Variants in MYH7B observed in about 807,000 individuals in gnomAD.
MYH7B encodes the protein myosin-7B.
A neutral mutation model predicts 234.5 loss-of-function variants in MYH7B; 205 were observed. That is an observed-to-expected ratio of 0.87 (90% CI 0.78 to 0.98). The LOEUF (loss-of-function observed/expected upper bound fraction) is 0.98, where lower values mean the gene tolerates loss of function less well. Ranked by LOEUF, MYH7B falls within the 50% of genes least tolerant of loss-of-function variation. The pLI, the probability that MYH7B is intolerant of heterozygous loss-of-function variation, is 0.00. For missense variants in MYH7B, 2,652 were observed against 2,633.4 expected, an observed-to-expected ratio of 1.01 and a Z score of -0.15; for synonymous variants, 1,193 against 1,105.0, an observed-to-expected ratio of 1.08 and a Z score of -1.58.
At chr20:34,980,673 C>T in exon 8 of MYH7B, 1 of 1,614,218 alleles carries the variant, frequency 6.2e-7, no homozygotes, top group Non-Finnish European at 8.5e-7. Context: ...GAAAGCGCCG[C>T]TCAGATTCCC....
intron 2 of MYH7B, among the ~76,000 whole-genome samples, chr20:34,958,504 T>G (rs1174181323): frequency 6.6e-6 from 1 of 152,128 alleles, no homozygotes; most frequent in Non-Finnish European, 1.5e-5. Flanking sequence ...CTCACTCTGT[T>G]GCCCAGGCTG....
chr20:34,979,613 G>A (rs557205231), intron 6 of MYH7B, 48 bp from the exon 7 acceptor site: 4 of 1,611,736 alleles, frequency 2.5e-6, no homozygotes, highest in South Asian at 2.2e-5. Flanking sequence ...AGGTGAGGTC[G>A]GTCGGTTCCT....
chr20:34,957,484 C>T (rs201227987), intron 1 of MYH7B, among the ~76,000 whole-genome samples: 10 of 104,328 alleles, frequency 9.6e-5, no homozygotes, highest in African/African-American at 1.1e-4. Context: ...CCTTTTGACT[C>T]TTTTTTTTTT....
chr20:35,001,413 T>A lies in MYH7B; in HGVS notation c.5581-18T>A, dbSNP rs2082378712. 6.3e-7 allele frequency: 1 copy of A among 1,594,530 alleles called. No homozygotes were observed. The highest frequency in any genetic ancestry group is 1.3e-5 in the African/African-American group (1 of 74,600). On this transcript the variant is annotated intron_variant, in intron 42 of 44. Transcript: ENST00000262873. ...TGGCCCAGCCCAAGCAAGCCCTGAG[T>A]CCCCCTTGCCCGCCCAGGCCGAGGA... is the stretch of plus-strand genomic sequence containing the variant.
At chr20:34,998,671 C>G in intron 34 of MYH7B, 42 bp downstream of exon 34, 1 of 1,612,374 alleles carries the variant, frequency 6.2e-7, no homozygotes. Context: ...AGGTGGGCAC[C>G]AGAGCCACTG....
chr20:34,999,624 G>A, exon 37 of MYH7B: 2 of 1,613,736 alleles, frequency 1.2e-6, no homozygotes, highest in Non-Finnish European at 1.7e-6. Flanking sequence ...GAGCATCCAG[G>A]AACTGGAGAA....
chr20:34,979,790 C>G (rs764936590), exon 7 of MYH7B: 8 of 1,613,776 alleles, frequency 5.0e-6, no homozygotes, highest in South Asian at 1.1e-5. Flanking sequence ...GCGCTATGCC[C>G]GCTGGATGAT....
intron 24 of MYH7B, 116 bp from the exon 25 acceptor site, chr20:34,992,986 C>G: frequency 7.5e-7 from 1 of 1,341,854 alleles, no homozygotes; most frequent in Non-Finnish European, 1.0e-6. Context: ...CGGAGAGGCC[C>G]AGGAACGAGT....
rs2082317889 is a variant in MYH7B, at chr20:34,999,105, G to A, written c.4240G>A (p.Ala1414Thr). The change falls in exon 36 of 45, where the codon GCC (alanine) becomes ACC (threonine). Residue 1414 changes from alanine (A) to threonine (T), a missense_variant. Ala to Thr is a moderately conservative substitution (Grantham distance 58). This residue lies in a region of MYH7B where 2,279 missense variants were observed against 2,211.4 expected (regional missense o/e 1.03). Coordinates refer to ENST00000262873, the Ensembl canonical transcript of MYH7B. Reference sequence around the variant, plus strand: ...GGAGGCAGAGGAGGGCGTGGAGGCTGCCAACGCCAAGTGCTCATCGTTGGA... The same window carrying A: ...GGAGGCAGAGGAGGGCGTGGAGGCTACCAACGCCAAGTGCTCATCGTTGGA... The A allele has an allele frequency of 7.4e-6, 12 of 1,613,322 alleles. No homozygotes were observed. Among genetic ancestry groups the A allele is most frequent in the Non-Finnish European group, 1.0e-5 (12 of 1,179,950 alleles).
chr20:34,992,998 C>G, intron 24 of MYH7B, 104 bp from the exon 25 acceptor site: 2 of 1,422,686 alleles, frequency 1.4e-6, no homozygotes, highest in Non-Finnish European at 1.9e-6. Flanking sequence ...GGAACGAGTC[C>G]CCTGCTACCC....
At chr20:34,985,238 C>T (rs2147189123) in intron 13 of MYH7B, 109 bp downstream of exon 13, 4 of 1,028,748 alleles carry the variant, frequency 3.9e-6, no homozygotes, top group Middle Eastern at 2.5e-4. Context: ...CTGGGCACTT[C>T]TCTCTACCCC....
chr20:34,994,239 G>A (rs576898666), exon 27 of MYH7B: 1 of 1,613,182 alleles, frequency 6.2e-7, no homozygotes, highest in South Asian at 1.1e-5. Context: ...TGAAGCCGCT[G>A]CTGCGCTCGG....
chr20:34,977,228 G>C (rs1202955630), intron 3 of MYH7B, among the ~76,000 whole-genome samples: 2 of 152,052 alleles, frequency 1.3e-5, no homozygotes, highest in African/African-American at 4.8e-5. Context: ...CTGGGCCTCA[G>C]TTTCCCTGGA....
At chr20:34,998,895 C>T (rs190908811) in exon 35 of MYH7B, 81 of 1,612,642 alleles carry the variant, frequency 5.0e-5, no homozygotes, top group Middle Eastern at 1.7e-4. Flanking sequence ...TCCAGAGGAC[C>T]GAGGAGCTGG....
intron 2 of MYH7B, among the ~76,000 whole-genome samples, chr20:34,959,573 G>A (rs1363009133): frequency 2.0e-5 from 3 of 151,546 alleles, no homozygotes; most frequent in African/African-American, 7.3e-5. Context: ...TGCCTCCCGG[G>A]TTCAGGCAAT....
Position 34,994,323 on chromosome 20 carries a change from G to C in MYH7B, c.2622G>C (p.Glu874Asp), listed in dbSNP as rs2082211692. 9 of 1,609,588 alleles carry C rather than the reference G, an allele frequency of 5.6e-6. No homozygotes were observed. In the South Asian group the frequency reaches 9.9e-5, roughly 18 times the overall value. Residue 874 changes from glutamate (E) to aspartate (D), a missense_variant, in exon 27 of 45, where the codon GAG (glutamate) becomes GAC (aspartate). Around this residue, in one of 3 missense-constraint regions of MYH7B, gnomAD observed 2,279 missense variants for 2,211.4 expected, o/e 1.03. Coordinates refer to ENST00000262873, the Ensembl canonical transcript of MYH7B. ...TGCGAGGGGCGCTGGCTGCGGCCGA[G>C]GCCAAGCGCCAGGAACTGGAGGAGA...
intron 2 of MYH7B, among the ~76,000 whole-genome samples, chr20:34,970,020 T>C (rs2081778492): frequency 6.6e-6 from 1 of 152,146 alleles, no homozygotes; most frequent in African/African-American, 2.4e-5. Flanking sequence ...ATTAAGAGGT[T>C]TAGTCATTCT....
intron 14 of MYH7B, 21 bp downstream of exon 14, chr20:34,986,219 G>C (rs2425008): frequency 0.62 from 962,993 of 1,563,100 alleles, 299,947 homozygotes; most frequent in Admixed American, 0.79. Context: ...GTACGATGAA[G>C]GGGGTGGGAG....
At chr20:34,990,626 A>C (rs141383026) in intron 22 of MYH7B, 112 bp from the exon 23 acceptor site, 15 of 974,254 alleles carry the variant, frequency 1.5e-5, no homozygotes, top group Non-Finnish European at 2.1e-5. Flanking sequence ...GTGAAAGAGC[A>C]AAAGTGCAGG....
Sources: gnomAD v4.1 joint callset for allele counts (sites outside exome capture counted in the v4.1 genomes callset) on GRCh38, gnomAD v4.1.1 for gene constraint, gnomAD v4.1.1 regional missense constraint, MANE v1.5 for transcripts, NCBI Gene and HGNC (gene_info 2026-07-23, HGNC 2026-07-21) for gene names.